EBF1: variants seen among roughly 807,000 people sequenced by gnomAD.
EBF1 encodes the protein EBF transcription factor 1.
Under a neutral mutation model 68.4 loss-of-function variants are expected in EBF1, and 10 were observed. That is an observed-to-expected ratio of 0.15 (90% CI 0.09 to 0.25). The LOEUF is 0.25. Ranked by LOEUF, EBF1 falls within the 10% of genes least tolerant of loss-of-function variation. The pLI is 1.00. For synonymous variants in EBF1, 298 were observed against 299.8 expected (o/e 0.99, Z 0.06); for missense variants, 509 against 794.4 (o/e 0.64, Z 4.32).
At chr5:159,000,261 C>T (rs186113053) in intron 6 of EBF1, among the ~76,000 whole-genome samples, 2 of 152,230 alleles carry the variant, frequency 1.3e-5, no homozygotes, top group Admixed American at 6.5e-5. Context: ...TTTTATTAAA[C>T]TTTTTTAAAT....
intron 6 of EBF1, among the ~76,000 whole-genome samples, chr5:158,964,363 A>G (rs891557100): frequency 6.6e-6 from 1 of 152,182 alleles, no homozygotes; most frequent in African/African-American, 2.4e-5. Flanking sequence ...TGATGTCAGA[A>G]GCATCAGAAA....
chr5:159,066,330 T>C (rs1776792177), intron 6 of EBF1, among the ~76,000 whole-genome samples: 1 of 152,166 alleles, frequency 6.6e-6, no homozygotes, highest in Non-Finnish European at 1.5e-5. Context: ...TCTATATAAT[T>C]TGCCAGCATG....
intron 6 of EBF1, among the ~76,000 whole-genome samples, chr5:158,877,834 GC>G (rs747494371): frequency 5.3e-5 from 8 of 152,030 alleles, no homozygotes; most frequent in Non-Finnish European, 1.0e-4. Context: ...TGGTTGGGAA[GC>G]CTCATTAGAA....
intron 4 of EBF1, among the ~76,000 whole-genome samples, chr5:159,087,416 A>G (rs1780905712): frequency 6.8e-6 from 1 of 148,086 alleles, no homozygotes. Context: ...ACACACATAT[A>G]TACATATATA....
At chr5:159,062,206 G>A (rs1235429496) in intron 6 of EBF1, among the ~76,000 whole-genome samples, 2 of 152,114 alleles carry the variant, frequency 1.3e-5, no homozygotes, top group Non-Finnish European at 2.9e-5. Flanking sequence ...TTCCTTCCTC[G>A]AGTAGACACA....
At chr5:158,821,434 T>C (rs890979162) in intron 8 of EBF1, among the ~76,000 whole-genome samples, 1 of 152,214 alleles carries the variant, frequency 6.6e-6, no homozygotes, top group Non-Finnish European at 1.5e-5. Context: ...GCTTTCTCAC[T>C]GGCTTCCCAA....
At chr5:158,734,641 C>T (rs933114436) in intron 10 of EBF1, among the ~76,000 whole-genome samples, 5 of 151,948 alleles carry the variant, frequency 3.3e-5, no homozygotes, top group East Asian at 1.9e-4. Flanking sequence ...TGTACCCAAG[C>T]GCAGGGCTCA....
chr5:158,791,931 C>CA (rs766420934), intron 9 of EBF1, among the ~76,000 whole-genome samples: 8 of 152,114 alleles, frequency 5.3e-5, no homozygotes, highest in Non-Finnish European at 1.2e-4. Flanking sequence ...GCAGGCAAGC[C>CA]AACCAGTGCT....
chr5:158,960,253 A>C (rs1817911345), intron 6 of EBF1, among the ~76,000 whole-genome samples: 1 of 152,272 alleles, frequency 6.6e-6, no homozygotes, highest in African/African-American at 2.4e-5. Context: ...TAAATCATTA[A>C]GAGAAAGTGA....
chr5:158,994,033 G>T (rs1187188186), intron 6 of EBF1, among the ~76,000 whole-genome samples: 1 of 152,132 alleles, frequency 6.6e-6, no homozygotes, highest in Non-Finnish European at 1.5e-5. Flanking sequence ...TGGGAAGATG[G>T]GTGAGTTACT....
At chr5:159,050,407 A>G (rs1392370232) in intron 6 of EBF1, among the ~76,000 whole-genome samples, 1 of 152,086 alleles carries the variant, frequency 6.6e-6, no homozygotes, top group Admixed American at 6.6e-5. Flanking sequence ...CCTCCTGCCC[A>G]GGTGGCTTCT....
chr5:158,946,369 C>T (rs1583382393), intron 6 of EBF1, among the ~76,000 whole-genome samples: 2 of 152,106 alleles, frequency 1.3e-5, no homozygotes, highest in South Asian at 2.1e-4. Flanking sequence ...GGAGTTTTTG[C>T]TTGGTCGTCC....
intron 10 of EBF1, among the ~76,000 whole-genome samples, chr5:158,765,457 A>C (rs1772451802): frequency 6.6e-6 from 1 of 152,098 alleles, no homozygotes; most frequent in South Asian, 2.1e-4. Context: ...TTTTGGCATT[A>C]AACAAAGATC....
At chr5:158,804,451 C>T (rs1315558419) in intron 8 of EBF1, among the ~76,000 whole-genome samples, 1 of 152,102 alleles carries the variant, frequency 6.6e-6, no homozygotes, top group East Asian at 1.9e-4. Flanking sequence ...GCTGGTGCAA[C>T]AACTGTAATC....
intron 5 of EBF1, among the ~76,000 whole-genome samples, chr5:159,084,330 T>A (rs896715364): frequency 2.6e-5 from 4 of 152,206 alleles, no homozygotes; most frequent in Non-Finnish European, 5.9e-5. Flanking sequence ...TTACTAGCAA[T>A]GCAGTTGAGC....
chr5:158,910,662 AT>A (rs980389496), intron 6 of EBF1, among the ~76,000 whole-genome samples: 1 of 152,162 alleles, frequency 6.6e-6, no homozygotes, highest in African/African-American at 2.4e-5. Context: ...ATACCTAGTA[AT>A]TTTTTCCCCA....
intron 6 of EBF1, among the ~76,000 whole-genome samples, chr5:158,935,180 C>T (rs1811709592): frequency 6.6e-6 from 1 of 152,176 alleles, no homozygotes; most frequent in African/African-American, 2.4e-5. Flanking sequence ...CATCCAGCTC[C>T]CCGCCCCTCA....
intron 6 of EBF1, among the ~76,000 whole-genome samples, chr5:158,967,024 A>G (rs1204172564): frequency 7.4e-6 from 1 of 135,818 alleles, no homozygotes; most frequent in Non-Finnish European, 1.6e-5. Context: ...CATCAGAGGC[A>G]TCTGTAATAA....
chr5:158,760,537 T>A (rs1372080202), intron 10 of EBF1, among the ~76,000 whole-genome samples: 1 of 152,112 alleles, frequency 6.6e-6, no homozygotes, highest in Non-Finnish European at 1.5e-5. Context: ...CAATATAGAT[T>A]TCTGAGCTAT....
Sources: gnomAD v4.1 joint callset for allele counts (sites outside exome capture counted in the v4.1 genomes callset) on GRCh38, gnomAD v4.1.1 for gene constraint, MANE v1.5 for transcripts, NCBI Gene and HGNC (gene_info 2026-07-23, HGNC 2026-07-21) for gene names.